HPSE2: variants seen among roughly 807,000 people sequenced by gnomAD.
The protein encoded by HPSE2 is heparanase 2 (inactive).
A neutral mutation model predicts 60.5 loss-of-function variants in HPSE2; 38 were observed. That is an observed-to-expected ratio of 0.63 (90% CI 0.48 to 0.82). The LOEUF is 0.82. Ranked by LOEUF, HPSE2 falls within the 40% of genes least tolerant of loss-of-function variation. HPSE2 has a pLI of 0.00. For missense variants in HPSE2, 713 were observed against 740.4 expected (o/e 0.96, Z 0.43); for synonymous variants, 295 against 293.2 (o/e 1.01, Z -0.06).
intron 5 of HPSE2, among the ~76,000 whole-genome samples, chr10:98,699,326 G>T (rs967524419): frequency 6.7e-6 from 1 of 150,248 alleles, no homozygotes; most frequent in Non-Finnish European, 1.5e-5. Context: ...GGGATGCAAG[G>T]CTGGTTCAAT....
At chr10:98,624,443 G>A (rs1286212032) in intron 7 of HPSE2, among the ~76,000 whole-genome samples, 1 of 152,114 alleles carries the variant, frequency 6.6e-6, no homozygotes, top group African/African-American at 2.4e-5. Flanking sequence ...TATCTGGAGT[G>A]TAGAAAGTAA....
intron 3 of HPSE2, among the ~76,000 whole-genome samples, chr10:98,780,082 G>C (rs1950430507): frequency 6.6e-6 from 1 of 152,108 alleles, no homozygotes; most frequent in Non-Finnish European, 1.5e-5. Context: ...AAAATGGAGG[G>C]AGGAAGAGAG....
rs145164786 is a variant in HPSE2, at chr10:98,689,737, A to G, written c.1004+4163T>C. Among the ~76,000 whole-genome samples, 319 of 152,326 alleles carry G rather than the reference A, an allele frequency of 2.1e-3. 5 individuals carry two copies. The highest frequency in any genetic ancestry group is 5.7e-4 in the Non-Finnish European group (39 of 68,038). ...AATGCTGATTTTGAATCTAGCAGGA[A>G]GTTAAATGAATGACTGATCTTCTTG... is the stretch of plus-strand genomic sequence containing the variant. On this transcript the variant is annotated intron_variant, in intron 6 of 11. Coordinates refer to ENST00000370552, the MANE Select transcript of HPSE2 (RefSeq NM_021828.5).
intron 3 of HPSE2, among the ~76,000 whole-genome samples, chr10:98,987,942 G>A (rs1226670837): frequency 2.6e-5 from 4 of 152,312 alleles, no homozygotes; most frequent in South Asian, 4.1e-4. Flanking sequence ...TACAAGGGAT[G>A]TGAAGCACCT....
At chr10:99,061,978 A>G (rs1842458532) in intron 3 of HPSE2, among the ~76,000 whole-genome samples, 1 of 152,060 alleles carries the variant, frequency 6.6e-6, no homozygotes, top group South Asian at 2.1e-4. Flanking sequence ...TGGTGAGGAG[A>G]GCAGAGAGGG....
chr10:98,841,963 C>T (rs1012850445), intron 3 of HPSE2, among the ~76,000 whole-genome samples: 2 of 152,094 alleles, frequency 1.3e-5, no homozygotes, highest in African/African-American at 2.4e-5. Context: ...TGTGCCACCA[C>T]GCCCAGCTAA....
At chr10:99,237,001 C>A (rs535662397), upstream of HPSE2, among the ~76,000 whole-genome samples, 10 of 152,216 alleles carry the variant, frequency 6.6e-5, 1 homozygote, top group South Asian at 2.1e-3. Context: ...GGCCCCCAGT[C>A]AAAACCAGAG....
chr10:98,542,979 G>T (rs201140807), intron 9 of HPSE2, among the ~76,000 whole-genome samples: 1 of 151,858 alleles, frequency 6.6e-6, no homozygotes, highest in Non-Finnish European at 1.5e-5. Context: ...TACAGAGAAT[G>T]CCACAAAGAT....
intron 3 of HPSE2, among the ~76,000 whole-genome samples, chr10:98,948,888 C>T (rs1285675998): frequency 2.6e-5 from 4 of 152,066 alleles, no homozygotes; most frequent in South Asian, 4.1e-4. Flanking sequence ...TTCTCTCTAG[C>T]TTACTTTATT....
At chr10:98,860,911 T>G (rs996814762) in intron 3 of HPSE2, among the ~76,000 whole-genome samples, 1 of 152,172 alleles carries the variant, frequency 6.6e-6, no homozygotes, top group Non-Finnish European at 1.5e-5. Flanking sequence ...CTCCCAACCT[T>G]AGGCACATAC....
chr10:98,785,561 TC>T (rs1404543367), intron 3 of HPSE2, among the ~76,000 whole-genome samples: 1 of 107,544 alleles, frequency 9.3e-6, no homozygotes, highest in Non-Finnish European at 1.9e-5. Context: ...CGGCTGTGAA[TC>T]CATCTGGTCC....
chr10:98,661,804 A>T (rs1036127277), intron 6 of HPSE2, among the ~76,000 whole-genome samples: 1 of 152,202 alleles, frequency 6.6e-6, no homozygotes, highest in East Asian at 1.9e-4. Context: ...GTCCAAGAGA[A>T]CTCAATTTAA....
At chr10:99,257,568 T>C in the HPSE2 span, among the ~76,000 whole-genome samples, 1 of 152,174 alleles carries the variant, frequency 6.6e-6, no homozygotes, top group South Asian at 2.1e-4. Context: ...TCAGACCGGT[T>C]GTCTGCTCTC....
At chr10:98,749,488 TAC>T (rs1215571862) in intron 3 of HPSE2, among the ~76,000 whole-genome samples, 1 of 150,882 alleles carries the variant, frequency 6.6e-6, no homozygotes, top group Non-Finnish European at 1.5e-5. Context: ...CATGTATATA[TAC>T]AGATATATAT....
intron 3 of HPSE2, among the ~76,000 whole-genome samples, chr10:98,988,996 A>G (rs1183656158): frequency 6.7e-6 from 1 of 149,460 alleles, no homozygotes; most frequent in Non-Finnish European, 1.5e-5. Context: ...TCAGGAAACA[A>G]CAGGTGCTGG....
intron 3 of HPSE2, among the ~76,000 whole-genome samples, chr10:98,850,709 C>G (rs912859200): frequency 1.4e-5 from 2 of 138,236 alleles, no homozygotes; most frequent in East Asian, 2.2e-4. Context: ...TGCACTCCAG[C>G]CTGGGTGACA....
chr10:98,775,200 G>A (rs1712966087), intron 3 of HPSE2, among the ~76,000 whole-genome samples: 1 of 152,198 alleles, frequency 6.6e-6, no homozygotes, highest in African/African-American at 2.4e-5. Flanking sequence ...TTTCATTGCA[G>A]AATTGCAATC....
intron 9 of HPSE2, among the ~76,000 whole-genome samples, chr10:98,537,627 G>GGT (rs1240013829): frequency 1.3e-5 from 2 of 152,224 alleles, no homozygotes; most frequent in Non-Finnish European, 2.9e-5. Context: ...TGAGCCTTCT[G>GGT]TCACGCCCGC....
intron 2 of HPSE2, among the ~76,000 whole-genome samples, chr10:99,223,599 T>A: frequency 6.6e-6 from 1 of 152,180 alleles, no homozygotes; most frequent in East Asian, 1.9e-4. Flanking sequence ...CCAAAACACA[T>A]ATATTTAGGT....
Sources: gnomAD v4.1 joint callset for allele counts (sites outside exome capture counted in the v4.1 genomes callset) on GRCh38, gnomAD v4.1.1 for gene constraint, MANE v1.5 for transcripts, NCBI Gene and HGNC (gene_info 2026-07-23, HGNC 2026-07-21) for gene names.